Variants in RAPGEF1 observed in about 807,000 individuals in gnomAD.
RAPGEF1 encodes the protein Rap guanine nucleotide exchange factor 1.
Under a neutral mutation model 143.3 loss-of-function variants are expected in RAPGEF1, and 33 were observed. The ratio of observed to expected loss-of-function variants is 0.23; its 90% CI spans 0.17 to 0.31. RAPGEF1 has a LOEUF of 0.31. Ranked by LOEUF, RAPGEF1 falls within the 10% of genes least tolerant of loss-of-function variation. RAPGEF1 has a pLI of 1.00. For missense variants in RAPGEF1, 1,199 were observed against 1,645.4 expected, an observed-to-expected ratio of 0.73 and a Z score of 4.69; for synonymous variants, 629 against 676.5, an observed-to-expected ratio of 0.93 and a Z score of 1.09.
chr9:131,645,685 CG>C (rs1969381554), intron 3 of RAPGEF1, among the ~76,000 whole-genome samples: 1 of 152,252 alleles, frequency 6.6e-6, no homozygotes, highest in Non-Finnish European at 1.5e-5. Context: ...AGCACTGGCT[CG>C]GACTGGGGAC....
chr9:131,595,877 C>T (rs875968), intron 17 of RAPGEF1, among the ~76,000 whole-genome samples: 40,990 of 152,130 alleles, frequency 0.27, 6,717 homozygotes, highest in Non-Finnish European at 0.37. Flanking sequence ...AGAATTTCCT[C>T]GTGGAGTATG....
rs753207581 is a variant in RAPGEF1, at chr9:131,587,732, T to G, written c.3233+4A>C. 45 of 1,612,516 alleles carry G rather than the reference T, an allele frequency of 2.8e-5. No homozygotes were observed. Among genetic ancestry groups the G allele is most frequent in the Non-Finnish European group, 3.7e-5 (44 of 1,179,392 alleles). On this transcript the variant is annotated splice_donor_region_variant and intron_variant, in intron 22 of 26. Transcript: ENST00000683357. ...AACAGGGCTTGGCGCTGGGCCTCTC[T>G]TACCAGTAGGACATGTTGTTGAAGT...
chr9:131,579,925 G>A (rs1032472618), intron 26 of RAPGEF1, among the ~76,000 whole-genome samples: 2 of 152,202 alleles, frequency 1.3e-5, no homozygotes, highest in African/African-American at 2.4e-5. Context: ...GCCAGGGCCC[G>A]CCCTGGGGGA....
chr9:131,704,575 C>G (rs981879262), intron 1 of RAPGEF1, among the ~76,000 whole-genome samples: 5 of 152,084 alleles, frequency 3.3e-5, no homozygotes, highest in Admixed American at 2.6e-4. Context: ...TTTCCATTTA[C>G]CAGGCTGGTA....
chr9:131,586,967 A>AAC (rs770094684), intron 22 of RAPGEF1, among the ~76,000 whole-genome samples: 4,700 of 28,580 alleles, frequency 0.16, 1,088 homozygotes, highest in Non-Finnish European at 0.21. Flanking sequence ...CTCCGTCTCA[A>AAC]ACACACACAC....
intron 1 of RAPGEF1, among the ~76,000 whole-genome samples, chr9:131,705,752 T>A (rs916349068): frequency 6.6e-6 from 1 of 152,172 alleles, no homozygotes; most frequent in Non-Finnish European, 1.5e-5. Context: ...TCATCGGGTA[T>A]GTGTCCCACA....
At chr9:131,706,681 T>C (rs1435471225) in intron 1 of RAPGEF1, among the ~76,000 whole-genome samples, 3 of 152,276 alleles carry the variant, frequency 2.0e-5, no homozygotes, top group African/African-American at 2.4e-5. Flanking sequence ...CCACTCCCTA[T>C]CCCTGTTATT....
intron 1 of RAPGEF1, among the ~76,000 whole-genome samples, chr9:131,654,206 G>T (rs145720592): frequency 6.6e-6 from 1 of 151,866 alleles, no homozygotes; most frequent in Non-Finnish European, 1.5e-5. Context: ...TTAGAATATG[G>T]TGATGGTTGT....
intron 1 of RAPGEF1, among the ~76,000 whole-genome samples, chr9:131,652,410 T>C (rs1971298201): frequency 6.6e-6 from 1 of 152,214 alleles, no homozygotes; most frequent in African/African-American, 2.4e-5. Context: ...CTACAATGTC[T>C]GGCTCAGTTT....
At chr9:131,686,011 T>G (rs778207492) in intron 1 of RAPGEF1, among the ~76,000 whole-genome samples, 2 of 152,202 alleles carry the variant, frequency 1.3e-5, no homozygotes, top group Non-Finnish European at 2.9e-5. Context: ...CTTCATGCGT[T>G]CTGGGGTGTG....
In RAPGEF1 at chr9:131,655,236, T is replaced by C. The variant is rs2133528443; in HGVS notation, c.62-4287A>G. ...TGGACCAAAGAGAAAAGCCAGGGCC[T>C]GACCCGCATTCACATGTGGTCAAAC... is the stretch of plus-strand genomic sequence containing the variant. On this transcript the variant is annotated intron_variant, in intron 1 of 26. Coordinates refer to ENST00000683357, the MANE Select transcript of RAPGEF1 (RefSeq NM_001377935.1). The surrounding 1 kb of genome is among the most constrained non-coding windows in gnomAD (Gnocchi z 4.1). 6.6e-6 allele frequency among the ~76,000 whole-genome samples: 1 copy of C among 152,354 alleles called. No individual in the cohort carries two copies. The highest frequency in any genetic ancestry group is 1.9e-4 in the East Asian group (1 of 5,190).
At chr9:131,596,581 A>C (rs1955329665) in intron 16 of RAPGEF1, among the ~76,000 whole-genome samples, 1 of 152,206 alleles carries the variant, frequency 6.6e-6, no homozygotes, top group African/African-American at 2.4e-5. Flanking sequence ...TGACAGGCAC[A>C]AACTGGACTG....
At chr9:131,737,486 G>C in intron 1 of RAPGEF1, 1 of 1,613,644 alleles carries the variant, frequency 6.2e-7, no homozygotes. Flanking sequence ...GCTTCTCTGG[G>C]AGCAGGCACT....
At chr9:131,704,767 TGAAAG>T (rs1157812688) in intron 1 of RAPGEF1, among the ~76,000 whole-genome samples, 2 of 151,320 alleles carry the variant, frequency 1.3e-5, no homozygotes, top group South Asian at 4.2e-4. Context: ...AAGGAAGGAA[TGAAAG>T]GAAAGGAAAG....
At chr9:131,696,690 A>G (rs1834207748) in intron 1 of RAPGEF1, among the ~76,000 whole-genome samples, 1 of 152,260 alleles carries the variant, frequency 6.6e-6, no homozygotes, top group Non-Finnish European at 1.5e-5. Context: ...CAGAAAGATA[A>G]TAATCAACAG....
intron 5 of RAPGEF1, among the ~76,000 whole-genome samples, chr9:131,636,118 C>T (rs1966311130): frequency 1.3e-5 from 2 of 152,194 alleles, no homozygotes; most frequent in Admixed American, 1.3e-4. Flanking sequence ...TTTCATCACA[C>T]CCTGTGCCAT....
At chr9:131,624,535 G>T (rs1368043236) in intron 10 of RAPGEF1, among the ~76,000 whole-genome samples, 2 of 152,208 alleles carry the variant, frequency 1.3e-5, no homozygotes, top group African/African-American at 2.4e-5. Flanking sequence ...GGAGCTGGAA[G>T]GGTAAGGCTC....
At chr9:131,683,266 T>G in intron 1 of RAPGEF1, among the ~76,000 whole-genome samples, 1 of 152,236 alleles carries the variant, frequency 6.6e-6, no homozygotes, top group Non-Finnish European at 1.5e-5. Context: ...GGTTCACAGA[T>G]AAGCCAATTT....
chr9:131,598,542 C>T (rs932364304), intron 15 of RAPGEF1: 7 of 667,722 alleles, frequency 1.0e-5, no homozygotes, highest in South Asian at 3.0e-5. Flanking sequence ...GAAGTGATTC[C>T]GCTGGGAAAA....
Sources: gnomAD v4.1 joint callset for allele counts (sites outside exome capture counted in the v4.1 genomes callset) on GRCh38, gnomAD v4.1.1 for gene constraint, Gnocchi (gnomAD v3.1) non-coding constraint, MANE v1.5 for transcripts, NCBI Gene and HGNC (gene_info 2026-07-23, HGNC 2026-07-21) for gene names.